Variants in CAMK2D observed in about 807,000 individuals in gnomAD.
CAMK2D encodes calcium/calmodulin-dependent protein kinase type II subunit delta.
CAMK2D carries 37 observed loss-of-function variants against 84.0 expected under a neutral mutation model. The observed-to-expected ratio is 0.44, with a 90% CI of 0.34 to 0.58. The LOEUF (loss-of-function observed/expected upper bound fraction) is 0.58, where lower values mean the gene tolerates loss of function less well. Ranked by LOEUF, CAMK2D falls within the 20% of genes least tolerant of loss-of-function variation. The pLI is 0.02. For synonymous variants in CAMK2D, 202 were observed against 212.5 expected (o/e 0.95, Z 0.43); for missense variants, 448 against 652.5 (o/e 0.69, Z 3.41).
chr4:113,598,794 A>C (rs1443528895), intron 4 of CAMK2D, among the ~76,000 whole-genome samples: 1 of 152,066 alleles, frequency 6.6e-6, no homozygotes, highest in Non-Finnish European at 1.5e-5. Flanking sequence ...AAGCCTCTCA[A>C]GTAGCTGGGA....
chr4:113,476,204 T>C (rs2097614025), intron 16 of CAMK2D, among the ~76,000 whole-genome samples: 1 of 152,198 alleles, frequency 6.6e-6, no homozygotes, highest in Non-Finnish European at 1.5e-5. Context: ...TGATGATTAC[T>C]GTAGCTTTCT....
chr4:113,656,895 T>C (rs1454110018), intron 3 of CAMK2D, among the ~76,000 whole-genome samples: 1 of 152,150 alleles, frequency 6.6e-6, no homozygotes, highest in Non-Finnish European at 1.5e-5. Flanking sequence ...CCTTGGACAA[T>C]GTCCCTAACC....
At chr4:113,542,931 T>C (rs1421641520) in intron 6 of CAMK2D, among the ~76,000 whole-genome samples, 1 of 152,220 alleles carries the variant, frequency 6.6e-6, no homozygotes, top group Non-Finnish European at 1.5e-5. Context: ...AGTAATGTTC[T>C]TCTGAATAGG....
chr4:113,716,608 G>T (rs2099514202), intron 2 of CAMK2D, among the ~76,000 whole-genome samples: 1 of 125,846 alleles, frequency 7.9e-6, no homozygotes, highest in Non-Finnish European at 1.5e-5. Flanking sequence ...CTGAGATTAT[G>T]CCACTGTACT....
Position 113,761,489 on chromosome 4 carries a change from GA to G in CAMK2D, c.-422del, listed in dbSNP as rs1308832443. 49 of 1,059,924 alleles carry G rather than the reference GA, an allele frequency of 4.6e-5. No individual in the cohort carries two copies. The highest frequency in any genetic ancestry group is 6.7e-5 in the African/African-American group (4 of 59,328). The allele number at this position is 1,059,924 out of a possible 1,614,324, so 65.7% of individuals were successfully genotyped here. On this transcript the variant is annotated 5_prime_UTR_variant, in exon 1 of 21. Transcript: ENST00000511664. ...GAGCAGGAGGAGTAGAAGCAGAGGG[GA>G]GGGAGTCCGAGGGGGCGGAGGTGGA...
intron 2 of CAMK2D, among the ~76,000 whole-genome samples, chr4:113,728,786 T>C (rs1055567871): frequency 1.3e-5 from 2 of 152,134 alleles, no homozygotes; most frequent in Non-Finnish European, 2.9e-5. Context: ...ACAGCACATA[T>C]GTCACAGGAT....
chr4:113,604,909 T>C (rs1301604842), intron 4 of CAMK2D, among the ~76,000 whole-genome samples: 2 of 152,218 alleles, frequency 1.3e-5, no homozygotes, highest in African/African-American at 4.8e-5. Context: ...AAAACTGGCA[T>C]AGTAGAAGGT....
intron 4 of CAMK2D, among the ~76,000 whole-genome samples, chr4:113,595,337 A>G (rs796912813): frequency 5.3e-5 from 8 of 152,304 alleles, no homozygotes; most frequent in African/African-American, 1.9e-4. Flanking sequence ...CAAAGAAGGA[A>G]TAAGTGAAGA....
intron 4 of CAMK2D, among the ~76,000 whole-genome samples, chr4:113,584,860 A>G (rs1331663295): frequency 6.6e-6 from 1 of 152,160 alleles, no homozygotes; most frequent in African/African-American, 2.4e-5. Flanking sequence ...TTTTATCTTA[A>G]GAAAAAAAAA....
intron 2 of CAMK2D, among the ~76,000 whole-genome samples, chr4:113,748,614 T>C (rs1306370407): frequency 6.6e-6 from 1 of 152,144 alleles, no homozygotes; most frequent in Non-Finnish European, 1.5e-5. Context: ...TAGTGAAGTA[T>C]AATTCACTTA....
At chr4:113,558,109 A>C (rs2098677827) in intron 4 of CAMK2D, among the ~76,000 whole-genome samples, 1 of 152,204 alleles carries the variant, frequency 6.6e-6, no homozygotes, top group Admixed American at 6.6e-5. Context: ...AGAGTTGGGC[A>C]ACAATAATCT....
chr4:113,649,412 C>A (rs555696625), intron 3 of CAMK2D, among the ~76,000 whole-genome samples: 1 of 152,256 alleles, frequency 6.6e-6, no homozygotes, highest in African/African-American at 2.4e-5. Context: ...TATATAATAA[C>A]GCCAATCATT....
chr4:113,494,387 G>A (rs1409554026), intron 16 of CAMK2D, among the ~76,000 whole-genome samples: 2 of 152,146 alleles, frequency 1.3e-5, no homozygotes, highest in Non-Finnish European at 2.9e-5. Flanking sequence ...AGGTCTGTTG[G>A]AGTACCCTGC....
intron 2 of CAMK2D, among the ~76,000 whole-genome samples, chr4:113,666,607 A>ACACGCACACG (rs1394648122): frequency 2.2e-4 from 34 of 152,040 alleles, no homozygotes; most frequent in African/African-American, 7.2e-4. Context: ...GCATGCACAC[A>ACACGCACACG]CACGCACACG....
At chr4:113,618,169 A>C (rs2099029770) in intron 3 of CAMK2D, among the ~76,000 whole-genome samples, 1 of 152,184 alleles carries the variant, frequency 6.6e-6, no homozygotes, top group South Asian at 2.1e-4. Context: ...GCTGAATATG[A>C]TTCTCTAAGT....
chr4:113,539,930 T>G (rs980704692), intron 6 of CAMK2D, among the ~76,000 whole-genome samples: 5 of 152,200 alleles, frequency 3.3e-5, no homozygotes, highest in Admixed American at 3.3e-4. Flanking sequence ...TTTAGGATGA[T>G]GAGTTTAAGG....
intron 2 of CAMK2D, among the ~76,000 whole-genome samples, chr4:113,736,027 C>T (rs944024226): frequency 4.0e-5 from 6 of 151,362 alleles, no homozygotes; most frequent in Admixed American, 3.3e-4. Context: ...GAAATATAGA[C>T]GGGAAATCTT....
intron 16 of CAMK2D, among the ~76,000 whole-genome samples, chr4:113,472,259 A>G (rs2097556106): frequency 1.1e-4 from 16 of 152,202 alleles, no homozygotes; most frequent in Admixed American, 1.0e-3. Flanking sequence ...ATGGTTAGAC[A>G]ATATATATAA....
At position 113,451,072 on chromosome 4, in the gene CAMK2D, G is replaced by A. The variant is rs933872545; in HGVS notation, c.*3473C>T. On this transcript the variant is annotated 3_prime_UTR_variant, in exon 21 of 21. Transcript: ENST00000511664. ...AGAATTTTATTCAATGAAATCACTCGAAAGCTGTGTCATCTATGTTTACCC... is the reference window on the plus strand; with the variant it reads ...AGAATTTTATTCAATGAAATCACTCAAAAGCTGTGTCATCTATGTTTACCC... The A allele has an allele frequency of 1.3e-5, 2 of 152,148 alleles. No individual in the cohort carries two copies. Among genetic ancestry groups the A allele is most frequent in the African/African-American group, 4.8e-5 (2 of 41,434 alleles). The allele number at this position is 152,148 out of a possible 1,614,324, so 9.4% of individuals were successfully genotyped here.
Sources: allele counts gnomAD v4.1 joint callset (sites outside exome capture counted in the v4.1 genomes callset), GRCh38; gene constraint gnomAD v4.1.1; transcripts MANE v1.5; gene names NCBI Gene and HGNC (gene_info 2026-07-23, HGNC 2026-07-21).